The following CDH18 variants were observed in gnomAD, a reference collection of about 807,000 sequenced individuals.
CDH18 encodes the protein cadherin-18.
Under a neutral mutation model 67.9 loss-of-function variants are expected in CDH18, and 31 were observed. The observed-to-expected ratio is 0.46, with a 90% CI of 0.34 to 0.62. The LOEUF (loss-of-function observed/expected upper bound fraction) is 0.62. Among genes scored for constraint, CDH18 ranks in the 20% least tolerant of loss-of-function variants. The pLI is 0.01. For missense variants in CDH18, 890 were observed against 975.5 expected (o/e 0.91, Z 1.17); for synonymous variants, 362 against 347.2 (o/e 1.04, Z -0.48).
chr5:19,797,048 CTAAT>C (rs1212550895), intron 3 of CDH18, among the ~76,000 whole-genome samples: 20 of 152,024 alleles, frequency 1.3e-4, no homozygotes, highest in Admixed American at 1.2e-3. Context: ...TCATTAATCA[CTAAT>C]TATCTTAAAT....
chr5:19,481,553 T>G (rs989269010), intron 12 of CDH18, among the ~76,000 whole-genome samples: 9 of 152,186 alleles, frequency 5.9e-5, no homozygotes, highest in Admixed American at 2.0e-4. Flanking sequence ...AGTCATCTTT[T>G]GCAAATTGAA....
At chr5:19,784,870 C>T (rs1177218219) in intron 3 of CDH18, among the ~76,000 whole-genome samples, 1 of 152,112 alleles carries the variant, frequency 6.6e-6, no homozygotes, top group Non-Finnish European at 1.5e-5. Context: ...CCTTGGCTTC[C>T]ACAACCCACC....
intron 1 of CDH18, among the ~76,000 whole-genome samples, chr5:20,314,503 G>T (rs9686664): frequency 0.014 from 2,108 of 152,138 alleles, 54 homozygotes; most frequent in African/African-American, 0.048. Flanking sequence ...CAGCTTAGAT[G>T]AAAATGAATG....
chr5:19,621,974 G>A (rs892839495), intron 5 of CDH18, among the ~76,000 whole-genome samples: 1 of 152,148 alleles, frequency 6.6e-6, no homozygotes, highest in African/African-American at 2.4e-5. Context: ...GTTGCCATGT[G>A]TGCATTCATG....
rs540733153 is a variant in CDH18, at chr5:20,138,594, C to T, written c.-518+116850G>A. Among the ~76,000 whole-genome samples the T allele has an allele frequency of 5.3e-4, 80 of 152,242 alleles. No homozygotes were observed. The South Asian group carries it at 0.017, about 32-fold the overall frequency. ...ATCTCAAGCCCAAAATCTCCTTAAGCTGATAAGCAACTTCAGCAAAGTCTC... is the reference window on the plus strand; with the variant it reads ...ATCTCAAGCCCAAAATCTCCTTAAGTTGATAAGCAACTTCAGCAAAGTCTC... On this transcript the variant is annotated intron_variant, in intron 2 of 14. Coordinates refer to the CDH18 transcript ENST00000507958.
chr5:20,546,260 T>C (rs758585208), intron 1 of CDH18, among the ~76,000 whole-genome samples: 1 of 152,150 alleles, frequency 6.6e-6, no homozygotes, highest in African/African-American at 2.4e-5. Context: ...CAACTTCCTG[T>C]CTTCTTCTGA....
intron 1 of CDH18, among the ~76,000 whole-genome samples, chr5:19,984,011 C>G (rs1190423189): frequency 6.6e-6 from 1 of 152,136 alleles, no homozygotes; most frequent in African/African-American, 2.4e-5. Flanking sequence ...CAACATTGAA[C>G]TAAGCATCAG....
chr5:19,808,014 T>C (rs1468657669), intron 3 of CDH18, among the ~76,000 whole-genome samples: 1 of 152,180 alleles, frequency 6.6e-6, no homozygotes, highest in East Asian at 1.9e-4. Context: ...TCCTATATAG[T>C]ATTCAACCTT....
chr5:20,269,084 A>C (rs1262902304), intron 1 of CDH18, among the ~76,000 whole-genome samples: 1 of 152,158 alleles, frequency 6.6e-6, no homozygotes, highest in Non-Finnish European at 1.5e-5. Flanking sequence ...AAGAATAGAT[A>C]TTTTTTAAAA....
At chr5:19,509,061 T>A (rs1349041197) in intron 10 of CDH18, among the ~76,000 whole-genome samples, 1 of 151,710 alleles carries the variant, frequency 6.6e-6, no homozygotes, top group African/African-American at 2.4e-5. Flanking sequence ...TAGAAATGGG[T>A]TTTTGCTATG....
chr5:20,042,676 T>A (rs1740535360), intron 2 of CDH18, among the ~76,000 whole-genome samples: 1 of 152,104 alleles, frequency 6.6e-6, no homozygotes, highest in African/African-American at 2.4e-5. Context: ...TTTAAAACAT[T>A]TTATGGGCCG....
chr5:20,190,900 C>A (rs1245398446), intron 2 of CDH18, among the ~76,000 whole-genome samples: 1 of 152,036 alleles, frequency 6.6e-6, no homozygotes, highest in African/African-American at 2.4e-5. Flanking sequence ...CCTTTATGAT[C>A]TAAGAGAAAA....
intron 1 of CDH18, among the ~76,000 whole-genome samples, chr5:20,465,002 C>T (rs919024583): frequency 1.3e-5 from 2 of 152,050 alleles, no homozygotes; most frequent in Non-Finnish European, 2.9e-5. Context: ...ATTAATGGGA[C>T]ATTGGTGACT....
At chr5:20,056,495 T>G (rs1388471776) in intron 2 of CDH18, among the ~76,000 whole-genome samples, 2 of 136,214 alleles carry the variant, frequency 1.5e-5, no homozygotes, top group East Asian at 2.1e-4. Flanking sequence ...TTTTTTTTTT[T>G]TTTTTTTTTG....
intron 2 of CDH18, among the ~76,000 whole-genome samples, chr5:20,182,348 A>C (rs1305926432): frequency 1.3e-5 from 2 of 151,994 alleles, no homozygotes; most frequent in African/African-American, 4.8e-5. Flanking sequence ...CATGCCTACA[A>C]TTGCAGAACT....
chr5:20,180,366 C>T (rs1187427649), intron 2 of CDH18, among the ~76,000 whole-genome samples: 2 of 152,138 alleles, frequency 1.3e-5, no homozygotes, highest in African/African-American at 4.8e-5. Flanking sequence ...AACCAGTTGT[C>T]TAGCTTCATG....
intron 1 of CDH18, among the ~76,000 whole-genome samples, chr5:20,310,261 A>C (rs530113510): frequency 4.3e-4 from 66 of 152,302 alleles, no homozygotes; most frequent in Non-Finnish European, 8.2e-4. Flanking sequence ...CCAGGTCAGA[A>C]AACTTCAATC....
rs531588963 is a variant in CDH18 at position 20,461,892 on chromosome 5, G to A, written c.-580+113570C>T. ...AAGAGTAGGTACAATAGTATCAAAC[G>A]AAAAGGGCTTTCATGCACTATTGGT... On this transcript the variant is annotated intron_variant, in intron 1 of 14. Transcript: ENST00000507958. Among the ~76,000 whole-genome samples the A allele has an allele frequency of 1.2e-4, 18 of 152,114 alleles. No homozygotes were observed. The South Asian group carries it at 3.1e-3, about 26-fold the overall frequency.
chr5:20,206,176 A>C (rs1739869881), intron 2 of CDH18, among the ~76,000 whole-genome samples: 1 of 151,940 alleles, frequency 6.6e-6, no homozygotes, highest in Non-Finnish European at 1.5e-5. Context: ...TACCACAGAA[A>C]TGCAAAAATC....
Sources: allele counts gnomAD v4.1 joint callset (sites outside exome capture counted in the v4.1 genomes callset), GRCh38; gene constraint gnomAD v4.1.1; transcripts MANE v1.5; gene names NCBI Gene and HGNC (gene_info 2026-07-23, HGNC 2026-07-21).